The following FRMPD4 variants were observed in gnomAD, a reference collection of about 807,000 sequenced individuals.
FRMPD4 encodes the protein FERM and PDZ domain-containing protein 4.
In FRMPD4, 22 loss-of-function variants were observed where a neutral mutation model predicts 94.1. The ratio of observed to expected loss-of-function variants is 0.23; its 90% CI spans 0.17 to 0.33. FRMPD4 has a LOEUF of 0.33. FRMPD4 is among the 10% of genes least tolerant of loss of function. The pLI, the probability that FRMPD4 is intolerant of heterozygous loss-of-function variation, is 1.00. For missense variants in FRMPD4, 1,111 were observed against 1,339.9 expected (o/e 0.83, Z 2.67); for synonymous variants, 631 against 548.6 (o/e 1.15, Z -2.10).
At chrX:11,839,285 T>C (rs964052374) in intron 1 of FRMPD4, among the ~76,000 whole-genome samples, 4 of 112,114 alleles carry the variant, frequency 3.6e-5, no homozygotes, top group Non-Finnish European at 7.5e-5. Flanking sequence ...TTTTTTACTG[T>C]AGCCATTCTA....
chrX:11,826,365 A>C (rs57725383), intron 1 of FRMPD4, among the ~76,000 whole-genome samples: 2,445 of 111,367 alleles, frequency 0.022, 60 homozygotes, highest in African/African-American at 0.076. Context: ...TTATATTACA[A>C]ACCATATGCA....
intron 1 of FRMPD4, among the ~76,000 whole-genome samples, chrX:12,457,185 C>T (rs932902203): frequency 9.0e-5 from 10 of 111,690 alleles, no homozygotes; most frequent in African/African-American, 3.3e-5. Flanking sequence ...TTGTCCCCTT[C>T]GTCAAAAGGA....
chrX:12,648,293 A>G (rs2059566329), intron 4 of FRMPD4, among the ~76,000 whole-genome samples: 1 of 111,701 alleles, frequency 9.0e-6, no homozygotes, highest in African/African-American at 3.3e-5. Context: ...ACTTGCTGGT[A>G]TACTTTTCTC....
chrX:12,434,710 C>T (rs2057045544), intron 1 of FRMPD4, among the ~76,000 whole-genome samples: 1 of 112,247 alleles, frequency 8.9e-6, no homozygotes, highest in African/African-American at 3.2e-5. Flanking sequence ...CCAATCAGGG[C>T]CCACTCCTGG....
chrX:12,519,307 CT>C (rs2058136432), intron 2 of FRMPD4, among the ~76,000 whole-genome samples: 1 of 112,222 alleles, frequency 8.9e-6, no homozygotes, highest in South Asian at 3.6e-4. Flanking sequence ...ATTATAAAAG[CT>C]TTGGTAATCA....
In FRMPD4 at chrX:12,022,709, T is replaced by C. The variant is rs143381753; in HGVS notation, c.95+144691T>C. 2.4e-3 allele frequency among the ~76,000 whole-genome samples: 272 copies of C among 111,728 alleles called. 1 individual carries two copies. Among genetic ancestry groups the C allele is most frequent in the African/African-American group, 7.7e-3 (237 of 30,741 alleles). ...CAGTGTCTCCCATCTGAAGCAGAGT[T>C]GGGAACCAACAATGTATTTCTTCTA... On this transcript the variant is annotated intron_variant, in intron 3 of 18. Transcript: ENST00000640291.
intron 1 of FRMPD4, among the ~76,000 whole-genome samples, chrX:11,862,913 T>G (rs1390349192): frequency 1.8e-5 from 2 of 108,856 alleles, no homozygotes; most frequent in Non-Finnish European, 3.8e-5. Context: ...CTAACTAAGG[T>G]GTTTAAGGGT....
chrX:12,562,952 TAA>T (rs1402917542), intron 2 of FRMPD4, among the ~76,000 whole-genome samples: 1 of 111,855 alleles, frequency 8.9e-6, no homozygotes, highest in Non-Finnish European at 1.9e-5. Flanking sequence ...GTCCAGCTGG[TAA>T]AGACATTTTT....
intron 1 of FRMPD4, among the ~76,000 whole-genome samples, chrX:12,201,152 A>G (rs1325621728): frequency 8.9e-6 from 1 of 112,329 alleles, no homozygotes; most frequent in East Asian, 2.8e-4. Flanking sequence ...TATATGTTTA[A>G]AAGTGTGGAA....
chrX:12,268,067 C>A (rs1041953619), intron 1 of FRMPD4, among the ~76,000 whole-genome samples: 1 of 112,557 alleles, frequency 8.9e-6, no homozygotes, highest in African/African-American at 3.2e-5. Flanking sequence ...GGGATGCAAG[C>A]TCCTTTCATC....
chrX:12,654,048 G>A (rs1423867629), intron 4 of FRMPD4, among the ~76,000 whole-genome samples: 1 of 112,353 alleles, frequency 8.9e-6, no homozygotes. Flanking sequence ...TGGCATTACA[G>A]GCGTGAGCCA....
At chrX:12,418,483 T>G (rs769158780) in intron 1 of FRMPD4, among the ~76,000 whole-genome samples, 1 of 107,019 alleles carries the variant, frequency 9.3e-6, no homozygotes, top group South Asian at 4.4e-4. Context: ...CTCAGCCTCC[T>G]GAGTAGCTGG....
intron 3 of FRMPD4, among the ~76,000 whole-genome samples, chrX:12,088,902 A>G (rs2055132047): frequency 8.9e-6 from 1 of 112,229 alleles, no homozygotes; most frequent in Non-Finnish European, 1.9e-5. Flanking sequence ...ACACACCCAT[A>G]TAACCAACAT....
In FRMPD4 at chrX:12,376,048, A is replaced by G. The variant is rs138893811; in HGVS notation, c.42-122632A>G. Among the ~76,000 whole-genome samples, 689 of 112,315 alleles carry G rather than the reference A, an allele frequency of 6.1e-3. 3 individuals are homozygous for G. Among genetic ancestry groups the G allele is most frequent in the African/African-American group, 0.021 (658 of 30,951 alleles). ...CCCATCTGCTCAGGAGGTAGGATCT[A>G]TCATTCATTCCTGTGTTCCTCGATG... On this transcript the variant is annotated intron_variant, in intron 1 of 16. Coordinates refer to ENST00000675598, the MANE Select transcript of FRMPD4 (RefSeq NM_001368397.1).
intron 2 of FRMPD4, among the ~76,000 whole-genome samples, chrX:12,548,077 TG>T (rs954429575): frequency 1.8e-5 from 2 of 112,317 alleles, no homozygotes; most frequent in African/African-American, 6.5e-5. Context: ...CAGGGAAAAA[TG>T]TAAACCTTAA....
chrX:12,287,060 T>G (rs1341595522), intron 1 of FRMPD4, among the ~76,000 whole-genome samples: 1 of 112,259 alleles, frequency 8.9e-6, no homozygotes, highest in Admixed American at 9.5e-5. Context: ...GTCCATCTTT[T>G]CATTCAACAT....
chrX:11,903,322 T>C (rs757919798), intron 3 of FRMPD4, among the ~76,000 whole-genome samples: 1 of 112,822 alleles, frequency 8.9e-6, no homozygotes, highest in Admixed American at 9.3e-5. Flanking sequence ...GTAATACTTT[T>C]ATTGAAGAAC....
intron 3 of FRMPD4, among the ~76,000 whole-genome samples, chrX:11,942,903 G>C (rs2054169088): frequency 1.8e-5 from 2 of 111,737 alleles, no homozygotes; most frequent in Admixed American, 9.5e-5. Flanking sequence ...ACCAGACTTA[G>C]GCAACTGGTA....
At chrX:12,322,258 A>G (rs1184289437) in intron 1 of FRMPD4, among the ~76,000 whole-genome samples, 1 of 111,565 alleles carries the variant, frequency 9.0e-6, no homozygotes, top group Admixed American at 9.6e-5. Context: ...TGCTATTGAA[A>G]CATCCTTGTA....
Sources: allele counts gnomAD v4.1 joint callset (sites outside exome capture counted in the v4.1 genomes callset), GRCh38; gene constraint gnomAD v4.1.1; transcripts MANE v1.5; gene names NCBI Gene and HGNC (gene_info 2026-07-23, HGNC 2026-07-21).